Variants in MTUS2 observed in about 807,000 individuals in gnomAD.
MTUS2 encodes the protein microtubule associated scaffold protein 2, also known as microtubule-associated tumor suppressor candidate 2.
A neutral mutation model predicts 114.1 loss-of-function variants in MTUS2; 40 were observed. The ratio of observed to expected loss-of-function variants is 0.35; its 90% CI spans 0.27 to 0.46. The LOEUF (loss-of-function observed/expected upper bound fraction) is 0.46, where lower values mean the gene tolerates loss of function less well. MTUS2 is among the 20% of genes least tolerant of loss of function. The pLI, the probability that MTUS2 is intolerant of heterozygous loss-of-function variation, is 1.00. For synonymous variants in MTUS2, 688 were observed against 672.0 expected, an observed-to-expected ratio of 1.02 and a Z score of -0.37; for missense variants, 1,679 against 1,705.4, an observed-to-expected ratio of 0.98 and a Z score of 0.27.
chr13:29,287,298 C>T (rs1029763452), intron 6 of MTUS2, among the ~76,000 whole-genome samples: 2 of 152,176 alleles, frequency 1.3e-5, no homozygotes, highest in African/African-American at 2.4e-5. Context: ...TGAAGCAGGG[C>T]GATGCCCAGG....
intron 5 of MTUS2, among the ~76,000 whole-genome samples, chr13:29,209,642 C>G (rs1295003151): frequency 6.6e-6 from 1 of 152,098 alleles, no homozygotes; most frequent in Non-Finnish European, 1.5e-5. Context: ...GACAAATTTT[C>G]TCAACCTTTG....
chr13:29,248,742 C>T (rs1897016912), intron 5 of MTUS2, among the ~76,000 whole-genome samples: 1 of 152,146 alleles, frequency 6.6e-6, no homozygotes, highest in Non-Finnish European at 1.5e-5. Flanking sequence ...GCTTTCTGTT[C>T]CTGTGTTAGT....
chr13:29,418,818 G>T (rs892699975), intron 8 of MTUS2, among the ~76,000 whole-genome samples: 5 of 152,298 alleles, frequency 3.3e-5, no homozygotes, highest in Non-Finnish European at 7.4e-5. Context: ...CCCCGTGTGG[G>T]TGGGTAGGTC....
chr13:29,435,507 A>G (rs1021808864), intron 8 of MTUS2, among the ~76,000 whole-genome samples: 1 of 152,126 alleles, frequency 6.6e-6, no homozygotes, highest in Non-Finnish European at 1.5e-5. Flanking sequence ...GATCCTTTCC[A>G]AGGGAGTCCC....
rs1213289101 is a variant in MTUS2 at position 28,976,245 on chromosome 13, T to TAA, written c.-242-48211_-242-48210insAA. On this transcript the variant is annotated intron_variant, in intron 2 of 15. Coordinates refer to ENST00000612955, the MANE Select transcript of MTUS2 (RefSeq NM_001033602.4). ...AAAAAGAAAAGAAGAAAAAAAGAAT[T>TAA]AGAGAAATAAGATGGGAGGGTGTTC... is the stretch of plus-strand genomic sequence containing the variant. 2.5e-4 allele frequency among the ~76,000 whole-genome samples: 26 copies of TAA among 104,484 alleles called. No individual in the cohort carries two copies. In the East Asian group the frequency reaches 0.012, roughly 47 times the overall value. 68.5% of individuals were successfully genotyped at this position (104,484 alleles called of 152,430 possible).
intron 2 of MTUS2, among the ~76,000 whole-genome samples, chr13:29,007,221 G>A (rs1405203645): frequency 6.6e-6 from 1 of 152,020 alleles, no homozygotes; most frequent in African/African-American, 2.4e-5. Flanking sequence ...TGTATCATAA[G>A]AAAACAGTTG....
chr13:29,349,375 A>G (rs1349746771), intron 7 of MTUS2, among the ~76,000 whole-genome samples: 4 of 150,448 alleles, frequency 2.7e-5, no homozygotes, highest in South Asian at 2.1e-4. Flanking sequence ...TATATTATGA[A>G]CCTATAATAC....
At chr13:29,075,864 T>C (rs1889170715) in intron 4 of MTUS2, among the ~76,000 whole-genome samples, 1 of 152,220 alleles carries the variant, frequency 6.6e-6, no homozygotes, top group Non-Finnish European at 1.5e-5. Flanking sequence ...GCTTGGACTT[T>C]TCAAACCTCT....
intron 8 of MTUS2, among the ~76,000 whole-genome samples, chr13:29,379,447 C>T (rs955043727): frequency 1.8e-4 from 27 of 152,150 alleles, no homozygotes; most frequent in Admixed American, 7.9e-4. Flanking sequence ...ATGGACCTGA[C>T]CACCAAAGGC....
At position 29,393,873 on chromosome 13, in the gene MTUS2, T is replaced by C. The variant is rs557884274; in HGVS notation, c.3117+34400T>C. On this transcript the variant is annotated intron_variant, in intron 8 of 15. Coordinates refer to ENST00000612955, the MANE Select transcript of MTUS2 (RefSeq NM_001033602.4). ...CGGGAGGGGGCTTCCAGGTCATAGG[T>C]AGATAAAAGACAAACGGTTGCATTC... Among the ~76,000 whole-genome samples the C allele has an allele frequency of 3.3e-5, 5 of 152,202 alleles. No individual in the cohort carries two copies. In the East Asian group the frequency reaches 9.7e-4, roughly 29 times the overall value.
At chr13:29,269,514 A>C (rs539820947) in intron 5 of MTUS2, among the ~76,000 whole-genome samples, 16 of 152,346 alleles carry the variant, frequency 1.1e-4, no homozygotes, top group African/African-American at 2.6e-4. Flanking sequence ...CAAAGATAAC[A>C]TTTAACACCT....
chr13:29,160,922 A>G (rs1004092253), intron 5 of MTUS2, among the ~76,000 whole-genome samples: 1 of 152,248 alleles, frequency 6.6e-6, no homozygotes, highest in Non-Finnish European at 1.5e-5. Flanking sequence ...CCCAAAGGTT[A>G]CATACTGCAT....
chr13:28,980,726 TG>T (rs977766096), intron 2 of MTUS2, among the ~76,000 whole-genome samples: 1 of 152,142 alleles, frequency 6.6e-6, no homozygotes, highest in Non-Finnish European at 1.5e-5. Context: ...GATCAATATT[TG>T]TAATTTTGAT....
intron 2 of MTUS2, among the ~76,000 whole-genome samples, chr13:28,862,336 C>T (rs1449462062): frequency 6.6e-6 from 1 of 152,228 alleles, no homozygotes; most frequent in Admixed American, 6.5e-5. Context: ...AATGGCTGGG[C>T]ATGGTGGCTC....
At chr13:29,082,180 C>T (rs1302201767) in intron 4 of MTUS2, among the ~76,000 whole-genome samples, 1 of 152,164 alleles carries the variant, frequency 6.6e-6, no homozygotes, top group Non-Finnish European at 1.5e-5. Flanking sequence ...AATAAAGCTG[C>T]CATCTGCAAG....
chr13:29,316,520 C>T (rs1246361262), intron 6 of MTUS2, among the ~76,000 whole-genome samples: 1 of 152,204 alleles, frequency 6.6e-6, no homozygotes, highest in African/African-American at 2.4e-5. Context: ...CTCTTCTAAG[C>T]TTTCTCACCC....
intron 7 of MTUS2, among the ~76,000 whole-genome samples, chr13:29,334,276 A>T (rs1196683420): frequency 6.6e-6 from 1 of 152,088 alleles, no homozygotes; most frequent in Non-Finnish European, 1.5e-5. Flanking sequence ...TCTGCCATTT[A>T]GTTGATGCAG....
At position 29,024,627 on chromosome 13, in the gene MTUS2, A is replaced by G; in HGVS notation, c.-72A>G. ...AGCTTGAGAATTTCCTCTTAATCTG[A>G]TTGCAGCTTGAAGGCAGCCCATTTC... On this transcript the variant is annotated 5_prime_UTR_variant, in exon 3 of 16. Coordinates refer to ENST00000612955, the MANE Select transcript of MTUS2 (RefSeq NM_001033602.4). 1 of 1,543,656 alleles carries G rather than the reference A, an allele frequency of 6.5e-7. No individual in the cohort carries two copies. The highest frequency in any genetic ancestry group is 8.8e-7 in the Non-Finnish European group (1 of 1,141,966).
At chr13:29,422,179 A>G (rs1876157717) in intron 8 of MTUS2, among the ~76,000 whole-genome samples, 1 of 152,206 alleles carries the variant, frequency 6.6e-6, no homozygotes, top group African/African-American at 2.4e-5. Flanking sequence ...AGGCTTCCAA[A>G]TTACAATGCA....
Sources: allele counts gnomAD v4.1 joint callset (sites outside exome capture counted in the v4.1 genomes callset), GRCh38; gene constraint gnomAD v4.1.1; transcripts MANE v1.5; gene names NCBI Gene and HGNC (gene_info 2026-07-23, HGNC 2026-07-21).